The following CCNY variants were observed in gnomAD, a reference collection of about 807,000 sequenced individuals.
CCNY encodes the protein cyclin-Y.
Under a neutral mutation model 42.8 loss-of-function variants are expected in CCNY, and 19 were observed. The observed-to-expected ratio is 0.44, with a 90% CI of 0.31 to 0.65. The LOEUF (loss-of-function observed/expected upper bound fraction) is 0.65, where lower values mean the gene tolerates loss of function less well. CCNY is among the 30% of genes least tolerant of loss of function. The probability of loss-of-function intolerance (pLI) is 0.07; values close to 1 mark genes in which losing one functional copy is unlikely to be tolerated. For missense variants in CCNY, 370 were observed against 437.3 expected (o/e 0.85, Z 1.37); for synonymous variants, 165 against 162.7 (o/e 1.01, Z -0.11).
At chr10:35,322,111 T>C (rs1835828339) in intron 3 of CCNY, among the ~76,000 whole-genome samples, 2 of 152,180 alleles carry the variant, frequency 1.3e-5, no homozygotes, top group Non-Finnish European at 1.5e-5. Flanking sequence ...ATCCCAGCAC[T>C]ATGGGAGAAC....
At chr10:35,468,119 G>A (rs915152383) in intron 1 of CCNY, among the ~76,000 whole-genome samples, 1 of 152,218 alleles carries the variant, frequency 6.6e-6, no homozygotes, top group Non-Finnish European at 1.5e-5. Context: ...TCAAGATCAA[G>A]GTGCTGGCAG....
chr10:35,455,804 CTTTTTT>C (rs67784224), intron 1 of CCNY, among the ~76,000 whole-genome samples: 1 of 75,980 alleles, frequency 1.3e-5, no homozygotes, highest in African/African-American at 4.9e-5. Flanking sequence ...GGGATGCTTC[CTTTTTT>C]TTTTTTTTTT....
chr10:35,431,722 A>G (rs945130863), intron 1 of CCNY, among the ~76,000 whole-genome samples: 10 of 151,932 alleles, frequency 6.6e-5, no homozygotes, highest in African/African-American at 2.4e-4. Flanking sequence ...AAAAAGAAGC[A>G]CCCTAAGCAT....
chr10:35,442,919 G>A (rs1564412744), intron 1 of CCNY, among the ~76,000 whole-genome samples: 1 of 152,318 alleles, frequency 6.6e-6, no homozygotes, highest in East Asian at 1.9e-4. Context: ...CATGTAGGCT[G>A]CATAGTATAG....
At chr10:35,475,853 AAAGAGTC>A (rs1839497318) in intron 1 of CCNY, among the ~76,000 whole-genome samples, 1 of 151,224 alleles carries the variant, frequency 6.6e-6, no homozygotes, top group Admixed American at 6.6e-5. Flanking sequence ...CAAATTGGAT[AAAGAGTC>A]AAGACCCATC....
intron 1 of CCNY, among the ~76,000 whole-genome samples, chr10:35,439,701 T>G (rs1838623335): frequency 6.6e-6 from 1 of 150,544 alleles, no homozygotes; most frequent in Non-Finnish European, 1.5e-5. Context: ...CTTGGTAGGA[T>G]GAGTGATTTT....
chr10:35,336,513 T>A lies in CCNY; in HGVS notation c.-541T>A, dbSNP rs957879089. 1.3e-5 allele frequency: 2 copies of A among 148,884 alleles called. No homozygotes were observed. The highest frequency in any genetic ancestry group is 4.9e-5 in the African/African-American group (2 of 40,692). The allele number at this position is 148,884 out of a possible 1,614,324, so 9.2% of individuals were successfully genotyped here. On this transcript the variant is annotated 5_prime_UTR_variant, in exon 1 of 10. Coordinates refer to ENST00000374704, the MANE Select transcript of CCNY (RefSeq NM_145012.6). ...TGGCGAGGGAGGGCCGCCAGCATCC[T>A]CCCTGGCCGCGCCGCACCGCGCCGC...
chr10:35,398,473 A>C (rs1837572754), intron 1 of CCNY, among the ~76,000 whole-genome samples: 1 of 152,106 alleles, frequency 6.6e-6, no homozygotes, highest in African/African-American at 2.4e-5. Context: ...TGATTTGGTC[A>C]CTACTTGGGG....
intron 1 of CCNY, among the ~76,000 whole-genome samples, chr10:35,417,166 A>G (rs986500494): frequency 6.6e-6 from 1 of 152,212 alleles, no homozygotes; most frequent in Non-Finnish European, 1.5e-5. Context: ...GCTGGGAAGC[A>G]CGTGGAATGC....
chr10:35,358,360 A>G (rs1454985941), intron 1 of CCNY, among the ~76,000 whole-genome samples: 2 of 152,188 alleles, frequency 1.3e-5, no homozygotes, highest in African/African-American at 4.8e-5. Context: ...CAGTGCATAA[A>G]GCATTCTACC....
chr10:35,401,817 A>G (rs1403998903), intron 1 of CCNY, among the ~76,000 whole-genome samples: 2 of 152,186 alleles, frequency 1.3e-5, no homozygotes, highest in African/African-American at 4.8e-5. Context: ...GGCGGGGAGA[A>G]TTACCAAGAA....
chr10:35,362,860 A>G (rs1209680680), intron 1 of CCNY, among the ~76,000 whole-genome samples: 1 of 150,186 alleles, frequency 6.7e-6, no homozygotes, highest in Non-Finnish European at 1.5e-5. Context: ...CACTTCCCAG[A>G]CAGTGGGGCA....
At chr10:35,271,693 C>T (rs906687931) in intron 3 of CCNY, among the ~76,000 whole-genome samples, 1 of 152,226 alleles carries the variant, frequency 6.6e-6, no homozygotes, top group African/African-American at 2.4e-5. Context: ...CCCTCCTTCA[C>T]CGATGCCAGA....
chr10:35,340,875 TG>T (rs929598580), intron 1 of CCNY, among the ~76,000 whole-genome samples: 4 of 152,160 alleles, frequency 2.6e-5, no homozygotes, highest in Non-Finnish European at 5.9e-5. Flanking sequence ...GTATCATATC[TG>T]GTAGGAAAAT....
intron 1 of CCNY, among the ~76,000 whole-genome samples, chr10:35,481,419 G>T (rs934795745): frequency 6.6e-6 from 1 of 152,178 alleles, no homozygotes; most frequent in African/African-American, 2.4e-5. Context: ...TGACAGTCTT[G>T]TGTTATTTTG....
chr10:35,360,416 A>G (rs1010021825), intron 1 of CCNY, among the ~76,000 whole-genome samples: 1 of 151,386 alleles, frequency 6.6e-6, no homozygotes, highest in Non-Finnish European at 1.5e-5. Flanking sequence ...ACTCCTGAGT[A>G]ACTGGGACCA....
At chr10:35,489,055 G>A (rs901002442) in intron 2 of CCNY, among the ~76,000 whole-genome samples, 29 of 152,256 alleles carry the variant, frequency 1.9e-4, no homozygotes, top group African/African-American at 5.1e-4. Context: ...TGAGGCAAGC[G>A]GATCACGAGG....
At chr10:35,391,222 C>A (rs1284488421) in intron 1 of CCNY, among the ~76,000 whole-genome samples, 1 of 152,180 alleles carries the variant, frequency 6.6e-6, no homozygotes, top group Non-Finnish European at 1.5e-5. Context: ...ATGCAGGTAG[C>A]CCCTACTGCT....
chr10:35,385,243 TCTTATTGTTTATC>T (rs1318622939), intron 1 of CCNY, among the ~76,000 whole-genome samples: 1 of 152,238 alleles, frequency 6.6e-6, no homozygotes, highest in African/African-American at 2.4e-5. Flanking sequence ...ATTATCATAC[TCTTATTGTTTATC>T]CTTTTTAGCC....
Sources: allele counts gnomAD v4.1 joint callset (sites outside exome capture counted in the v4.1 genomes callset), GRCh38; gene constraint gnomAD v4.1.1; transcripts MANE v1.5; gene names NCBI Gene and HGNC (gene_info 2026-07-23, HGNC 2026-07-21).